The following PDE10A variants were observed in gnomAD, a reference collection of about 807,000 sequenced individuals.
PDE10A encodes cAMP and cAMP-inhibited cGMP 3',5'-cyclic phosphodiesterase 10A.
PDE10A carries 39 observed loss-of-function variants against 97.7 expected under a neutral mutation model. The observed-to-expected ratio is 0.40, with a 90% CI of 0.31 to 0.52. The LOEUF (loss-of-function observed/expected upper bound fraction) is 0.52, where lower values mean the gene tolerates loss of function less well. Ranked by LOEUF, PDE10A falls within the 20% of genes least tolerant of loss-of-function variation. PDE10A has a pLI of 0.56. For synonymous variants in PDE10A, 371 were observed against 376.8 expected, an observed-to-expected ratio of 0.98 and a Z score of 0.18; for missense variants, 731 against 1,047.8, an observed-to-expected ratio of 0.70 and a Z score of 4.17.
At chr6:165,591,712 T>C (rs1407279099) in intron 1 of PDE10A, among the ~76,000 whole-genome samples, 3 of 152,216 alleles carry the variant, frequency 2.0e-5, no homozygotes, top group Non-Finnish European at 4.4e-5. Flanking sequence ...TTAAGTTAAA[T>C]TAGCTATTGA....
intron 13 of PDE10A, among the ~76,000 whole-genome samples, chr6:165,400,846 G>C (rs1437953926): frequency 1.3e-5 from 2 of 152,132 alleles, no homozygotes; most frequent in African/African-American, 4.8e-5. Context: ...ATTAGTTATG[G>C]TATATCCATA....
At chr6:165,747,799 G>C (rs1312005345) in intron 1 of PDE10A, among the ~76,000 whole-genome samples, 1 of 152,196 alleles carries the variant, frequency 6.6e-6, no homozygotes, top group Non-Finnish European at 1.5e-5. Context: ...GGCAGACGGA[G>C]GGAAGGAGGA....
At chr6:165,540,289 C>T (rs1477255989) in intron 2 of PDE10A, among the ~76,000 whole-genome samples, 1 of 152,152 alleles carries the variant, frequency 6.6e-6, no homozygotes, top group Non-Finnish European at 1.5e-5. Context: ...AATTCTGCTG[C>T]AATACTCAAA....
At chr6:165,806,070 AG>A (rs1179550110) in intron 1 of PDE10A, among the ~76,000 whole-genome samples, 1,492 of 138,594 alleles carry the variant, frequency 0.011, 47 homozygotes, top group African/African-American at 0.037. Flanking sequence ...AAAAAAAAAA[AG>A]ATCAAACAGC....
At position 165,661,598 on chromosome 6, in the gene PDE10A, A is replaced by C. The variant is rs2128432029; in HGVS notation, c.865+349T>G. On this transcript the variant is annotated intron_variant, in intron 1 of 21. Coordinates refer to ENST00000539869, the MANE Select transcript of PDE10A (RefSeq NM_001385079.1). The surrounding 1 kb of genome is among the most constrained non-coding windows in gnomAD (Gnocchi z 4.8). ...AGGAACCTAAGTGGTCACAAAGTTG[A>C]GTATAAATACGCGCCGGACAAGTGT... The C allele has an allele frequency of 3.9e-6, 1 of 258,844 alleles. No homozygotes were observed. Among genetic ancestry groups the C allele is most frequent in the Non-Finnish European group, 7.3e-6 (1 of 137,716 alleles). 16.0% of individuals were successfully genotyped at this position (258,844 alleles called of 1,614,324 possible). A position where few individuals can be genotyped will look rare whatever the true frequency, so the allele number is the denominator to read the frequency against.
chr6:165,897,636 C>G (rs117565364), intron 1 of PDE10A, among the ~76,000 whole-genome samples: 7,834 of 151,180 alleles, frequency 0.052, 288 homozygotes, highest in Middle Eastern at 0.13. Context: ...GCCCCCCAGC[C>G]CCCCCACCTC....
At chr6:165,788,750 T>G (rs754315447) in intron 1 of PDE10A, among the ~76,000 whole-genome samples, 11 of 152,108 alleles carry the variant, frequency 7.2e-5, no homozygotes, top group Non-Finnish European at 1.2e-4. Flanking sequence ...AGCAGGATGG[T>G]TATTTAAAAG....
intron 1 of PDE10A, among the ~76,000 whole-genome samples, chr6:165,862,531 GA>G (rs1780933641): frequency 6.6e-6 from 1 of 152,178 alleles, no homozygotes; most frequent in Admixed American, 6.5e-5. Flanking sequence ...GGGTGATGAT[GA>G]GGCTGAAGTC....
intron 1 of PDE10A, among the ~76,000 whole-genome samples, chr6:165,952,684 G>T (rs552409015): frequency 6.6e-6 from 1 of 152,194 alleles, no homozygotes; most frequent in Non-Finnish European, 1.5e-5. Context: ...GGCTCTGCAC[G>T]GGACGGAAAG....
At chr6:165,653,883 T>C (rs1478480680) in intron 1 of PDE10A, among the ~76,000 whole-genome samples, 6 of 152,236 alleles carry the variant, frequency 3.9e-5, no homozygotes, top group African/African-American at 1.4e-4. Flanking sequence ...TCCCTTCTCC[T>C]CTGCACAAAG....
chr6:165,617,667 G>A (rs544349343), intron 1 of PDE10A, among the ~76,000 whole-genome samples: 161 of 152,234 alleles, frequency 1.1e-3, no homozygotes, highest in African/African-American at 3.7e-3. Context: ...TTGCCAGGAC[G>A]TGGGACTTGT....
At chr6:165,352,888 CAA>C (rs546366422) in intron 18 of PDE10A, among the ~76,000 whole-genome samples, 237 of 152,090 alleles carry the variant, frequency 1.6e-3, no homozygotes, top group Non-Finnish European at 2.3e-3. Context: ...AAGATACTGT[CAA>C]AAGAGTAAAA....
At chr6:165,678,909 A>G (rs911932828) in intron 1 of PDE10A, among the ~76,000 whole-genome samples, 11 of 152,246 alleles carry the variant, frequency 7.2e-5, no homozygotes, top group African/African-American at 1.2e-4. Context: ...AAGAGACTAG[A>G]AACAGGCAGA....
chr6:165,935,131 A>C (rs1338447528), intron 1 of PDE10A, among the ~76,000 whole-genome samples: 3 of 152,240 alleles, frequency 2.0e-5, no homozygotes, highest in African/African-American at 4.8e-5. Flanking sequence ...GAAAGAGCCC[A>C]CCACATACAT....
At chr6:165,571,771 G>A (rs1314746996) in intron 1 of PDE10A, among the ~76,000 whole-genome samples, 1 of 152,180 alleles carries the variant, frequency 6.6e-6, no homozygotes, top group Non-Finnish European at 1.5e-5. Flanking sequence ...AAGCTGTGCT[G>A]CAAATACTTC....
Position 165,744,557 on chromosome 6 carries a change from C to T in PDE10A, c.-614-200989G>A, listed in dbSNP as rs1337417385. On this transcript the variant is annotated intron_variant, in intron 1 of 19. Transcript: ENST00000366882. ...AGAACTAATACACATTTATAAAAAGCCCAGAGAACTAATTTTTTTTTCATA... is the reference window on the plus strand; with the variant it reads ...AGAACTAATACACATTTATAAAAAGTCCAGAGAACTAATTTTTTTTTCATA... Among the ~76,000 whole-genome samples the T allele has an allele frequency of 3.3e-5, 5 of 151,516 alleles. No individual in the cohort carries two copies. The South Asian group carries it at 6.3e-4, about 19-fold the overall frequency.
intron 18 of PDE10A, among the ~76,000 whole-genome samples, chr6:165,356,767 A>G (rs1212269980): frequency 1.3e-5 from 2 of 152,228 alleles, no homozygotes; most frequent in Non-Finnish European, 2.9e-5. Flanking sequence ...TGTTGACCAC[A>G]TAGCCTGTAA....
At chr6:165,540,194 G>A (rs997384547) in intron 2 of PDE10A, among the ~76,000 whole-genome samples, 6 of 152,074 alleles carry the variant, frequency 3.9e-5, no homozygotes, top group African/African-American at 1.2e-4. Flanking sequence ...TGATTCTATC[G>A]AGATTCAGAT....
At chr6:165,789,157 TACCA>T (rs1778580817) in intron 1 of PDE10A, among the ~76,000 whole-genome samples, 2 of 152,342 alleles carry the variant, frequency 1.3e-5, no homozygotes, top group Non-Finnish European at 2.9e-5. Flanking sequence ...CAGTGCCAAG[TACCA>T]CATCACACAC....
Sources: gnomAD v4.1 joint callset for allele counts (sites outside exome capture counted in the v4.1 genomes callset) on GRCh38, gnomAD v4.1.1 for gene constraint, Gnocchi (gnomAD v3.1) non-coding constraint, MANE v1.5 for transcripts, NCBI Gene and HGNC (gene_info 2026-07-23, HGNC 2026-07-21) for gene names.